Variants in GPR39 observed in about 807,000 individuals in gnomAD.
GPR39 encodes the protein zinc sensing receptor.
In GPR39, 23 loss-of-function variants were observed where a neutral mutation model predicts 18.4. The observed-to-expected ratio is 1.25, with a 90% CI of 0.90 to 1.77. GPR39 has a LOEUF of 1.77. Among genes scored for constraint, GPR39 ranks in the 40% most tolerant of loss-of-function variants. The pLI is 0.00. For synonymous variants in GPR39, 280 were observed against 257.9 expected, an observed-to-expected ratio of 1.09 and a Z score of -0.82; for missense variants, 647 against 602.4, an observed-to-expected ratio of 1.07 and a Z score of -0.78.
chr2:132,450,562 G>GCAGC (rs1227562710), intron 1 of GPR39, among the ~76,000 whole-genome samples: 1 of 152,226 alleles, frequency 6.6e-6, no homozygotes, highest in African/African-American at 2.4e-5. Context: ...CAGGCACAGG[G>GCAGC]CAGCCTCTCT....
At chr2:132,635,905 A>G (rs189699785) in intron 1 of GPR39, among the ~76,000 whole-genome samples, 11 of 152,246 alleles carry the variant, frequency 7.2e-5, no homozygotes, top group Non-Finnish European at 5.9e-5. Context: ...GAATGCAGAG[A>G]GATGGTGGCT....
At chr2:132,602,701 A>C (rs1681063622) in intron 1 of GPR39, among the ~76,000 whole-genome samples, 1 of 152,018 alleles carries the variant, frequency 6.6e-6, no homozygotes, top group South Asian at 2.1e-4. Context: ...AAAAAACTGA[A>C]TAATCTGATG....
At chr2:132,420,839 C>T (rs1464457039) in intron 1 of GPR39, among the ~76,000 whole-genome samples, 2 of 152,168 alleles carry the variant, frequency 1.3e-5, no homozygotes, top group African/African-American at 2.4e-5. Flanking sequence ...AAGGAAAACA[C>T]ATTGGGAACT....
At chr2:132,513,858 C>T (rs113551316) in intron 1 of GPR39, among the ~76,000 whole-genome samples, 15,763 of 152,186 alleles carry the variant, frequency 0.1, 896 homozygotes, top group East Asian at 0.17. Context: ...GGACTATAGG[C>T]GTGCGCCACC....
chr2:132,531,071 G>C (rs1679615376), intron 1 of GPR39, among the ~76,000 whole-genome samples: 1 of 152,174 alleles, frequency 6.6e-6, no homozygotes, highest in South Asian at 2.1e-4. Flanking sequence ...ATTGGATAAA[G>C]AGTCAAGACC....
At chr2:132,588,591 G>A (rs1051111521) in intron 1 of GPR39, among the ~76,000 whole-genome samples, 14 of 152,164 alleles carry the variant, frequency 9.2e-5, no homozygotes, top group East Asian at 3.9e-4. Flanking sequence ...AGAGGAGACC[G>A]AAGACTGCTT....
At chr2:132,493,260 A>G (rs1045519808) in intron 1 of GPR39, among the ~76,000 whole-genome samples, 14 of 145,380 alleles carry the variant, frequency 9.6e-5, no homozygotes, top group African/African-American at 2.8e-4. Context: ...TACACCATAT[A>G]TATACCATAT....
intron 1 of GPR39, among the ~76,000 whole-genome samples, chr2:132,488,174 T>TA (rs1681379999): frequency 6.6e-6 from 1 of 152,208 alleles, no homozygotes; most frequent in Non-Finnish European, 1.5e-5. Context: ...AGACCTTTGT[T>TA]AATAGGTACT....
At chr2:132,530,102 T>TA (rs1037747851) in intron 1 of GPR39, among the ~76,000 whole-genome samples, 80 of 146,766 alleles carry the variant, frequency 5.5e-4, no homozygotes, top group African/African-American at 1.1e-3. Context: ...TTAAAAACCT[T>TA]AAAAAAAAAA....
At chr2:132,613,090 G>T (rs759425314) in intron 1 of GPR39, among the ~76,000 whole-genome samples, 1 of 152,114 alleles carries the variant, frequency 6.6e-6, no homozygotes, top group Non-Finnish European at 1.5e-5. Flanking sequence ...AATTGGCTTT[G>T]TGTTCAGGGA....
intron 1 of GPR39, among the ~76,000 whole-genome samples, chr2:132,607,344 A>G (rs2104846695): frequency 6.6e-6 from 1 of 152,258 alleles, no homozygotes; most frequent in Non-Finnish European, 1.5e-5. Context: ...TGTAAAATTT[A>G]TTGGGTTGAT....
chr2:132,444,257 T>C (rs1305566898), intron 1 of GPR39, among the ~76,000 whole-genome samples: 1 of 152,130 alleles, frequency 6.6e-6, no homozygotes, highest in Non-Finnish European at 1.5e-5. Context: ...CACTAGCATA[T>C]AGTTGAATTC....
chr2:132,567,351 G>C (rs1680367552), intron 1 of GPR39, among the ~76,000 whole-genome samples: 1 of 152,162 alleles, frequency 6.6e-6, no homozygotes. Context: ...AAAGGTGATT[G>C]AGTCATGAAG....
chr2:132,472,976 G>C (rs1266662696), intron 1 of GPR39, among the ~76,000 whole-genome samples: 1 of 151,884 alleles, frequency 6.6e-6, no homozygotes, highest in Non-Finnish European at 1.5e-5. Context: ...CTTATCCACC[G>C]TGAACCCCCC....
chr2:132,632,735 A>C (rs900094410), intron 1 of GPR39, among the ~76,000 whole-genome samples: 3 of 152,316 alleles, frequency 2.0e-5, no homozygotes, highest in Non-Finnish European at 2.9e-5. Flanking sequence ...TAAATAAGCA[A>C]GTGCAAGTTA....
intron 1 of GPR39, among the ~76,000 whole-genome samples, chr2:132,637,846 T>A (rs1446583409): frequency 6.6e-6 from 1 of 152,154 alleles, no homozygotes; most frequent in Non-Finnish European, 1.5e-5. Flanking sequence ...CTCTGCCACC[T>A]CCCTGTTAGC....
At chr2:132,529,008 C>A (rs1679560456) in intron 1 of GPR39, among the ~76,000 whole-genome samples, 1 of 152,084 alleles carries the variant, frequency 6.6e-6, no homozygotes, top group South Asian at 2.1e-4. Context: ...TGGGGAGTGC[C>A]AGACAGTGGG....
intron 1 of GPR39, among the ~76,000 whole-genome samples, chr2:132,616,371 A>G (rs1298580413): frequency 6.6e-6 from 1 of 152,116 alleles, no homozygotes; most frequent in East Asian, 1.9e-4. Context: ...TTTATACCTA[A>G]TAGGACACCT....
intron 1 of GPR39, among the ~76,000 whole-genome samples, chr2:132,533,204 GACAA>G (rs563999064): frequency 0.02 from 2,972 of 152,066 alleles, 100 homozygotes; most frequent in African/African-American, 0.069. Context: ...ACCAACAACA[GACAA>G]ACAGAGAGCC....
Sources: allele counts gnomAD v4.1 joint callset (sites outside exome capture counted in the v4.1 genomes callset), GRCh38; gene constraint gnomAD v4.1.1; transcripts MANE v1.5; gene names NCBI Gene and HGNC (gene_info 2026-07-23, HGNC 2026-07-21).